PHF3: variants seen among roughly 807,000 people sequenced by gnomAD.
PHF3 encodes the protein PHD finger protein 3.
Under a neutral mutation model 178.4 loss-of-function variants are expected in PHF3, and 41 were observed. The ratio of observed to expected loss-of-function variants is 0.23; its 90% CI spans 0.18 to 0.30. The LOEUF (loss-of-function observed/expected upper bound fraction) is 0.30. Ranked by LOEUF, PHF3 falls within the 10% of genes least tolerant of loss-of-function variation. The probability of loss-of-function intolerance (pLI) is 1.00; values close to 1 mark genes in which losing one functional copy is unlikely to be tolerated. For missense variants in PHF3, 2,346 were observed against 2,398.1 expected, an observed-to-expected ratio of 0.98 and a Z score of 0.45; for synonymous variants, 842 against 800.5, an observed-to-expected ratio of 1.05 and a Z score of -0.88.
In PHF3 at chr6:63,685,551, C is replaced by T. The variant is rs1451656577; in HGVS notation, c.1829C>T (p.Pro610Leu). Residue 610 changes from proline (P) to leucine (L), a missense_variant, in exon 4 of 16, where the codon CCT becomes CTT. By Grantham distance (98) the Pro-to-Leu change is moderately conservative (BLOSUM62 -3). This residue lies in a region of PHF3 where 843 missense variants were observed against 795.2 expected (regional missense o/e 1.06). Coordinates refer to ENST00000262043, the MANE Select transcript of PHF3 (RefSeq NM_001370348.2). ...SHAHPGCLKE[P>L]HHPAQTGHVS... ...GCTCATCCTGGTTGCTTGAAAGAAC[C>T]TCATCATCCTGCACAAACTGGACAT... 2 of 1,614,070 alleles carry T rather than the reference C, an allele frequency of 1.2e-6. No individual in the cohort carries two copies. Among genetic ancestry groups the T allele is most frequent in the East Asian group, 2.2e-5 (1 of 44,876 alleles).
At chr6:63,645,645 C>A (rs575981962) in intron 1 of PHF3, among the ~76,000 whole-genome samples, 1 of 152,082 alleles carries the variant, frequency 6.6e-6, no homozygotes, top group Admixed American at 6.5e-5. Flanking sequence ...GACTTTCCAC[C>A]CCCTAAAATA....
chr6:63,685,497 T>C lies in PHF3; in HGVS notation c.1775T>C (p.Leu592Ser). The C allele has an allele frequency of 6.2e-7, 1 of 1,614,128 alleles. No homozygotes were observed. Among genetic ancestry groups the C allele is most frequent in the Non-Finnish European group, 8.5e-7 (1 of 1,180,026 alleles). The change falls in exon 4 of 16, where the codon TTA (leucine) becomes TCA (serine). Residue 592 changes from leucine (L) to serine (S), a missense_variant. Leu to Ser is a moderately radical substitution (Grantham distance 145). Transcript: ENST00000262043. ...DQTLVQIFKPLTHSLSDKSHA... is the reference protein window; with the variant it reads ...DQTLVQIFKPSTHSLSDKSHA... Reference sequence around the variant, plus strand: ...ACTTTAGTACAAATTTTCAAGCCCTTAACTCATTCTTTGAGTGATAAGTCA... The same window carrying C: ...ACTTTAGTACAAATTTTCAAGCCCTCAACTCATTCTTTGAGTGATAAGTCA...
rs559540000 is a variant in PHF3, at chr6:63,705,973, T to G, written c.3368-56T>G. 2.9e-6 allele frequency: 4 copies of G among 1,358,292 alleles called. No individual in the cohort carries two copies. In the African/African-American group the frequency reaches 4.4e-5, roughly 15 times the overall value. The allele number at this position is 1,358,292 out of a possible 1,614,324, so 84.1% of individuals were successfully genotyped here. A position where few individuals can be genotyped will look rare whatever the true frequency, so the allele number is the denominator to read the frequency against. On this transcript the variant is annotated intron_variant, in intron 11 of 15. Transcript: ENST00000262043. ...ATAACTTTAGAAAGTGAAAATGGGT[T>G]AAGTTATAAAAGTTGTAGTTAACAG... is the stretch of plus-strand genomic sequence containing the variant.
intron 3 of PHF3, among the ~76,000 whole-genome samples, chr6:63,682,212 G>T (rs1445396073): frequency 6.6e-6 from 1 of 152,018 alleles, no homozygotes; most frequent in African/African-American, 2.4e-5. Flanking sequence ...GGGGAAAGAG[G>T]GATCTAGAAA....
At chr6:63,640,339 T>G (rs963649540) in intron 1 of PHF3, among the ~76,000 whole-genome samples, 5 of 152,208 alleles carry the variant, frequency 3.3e-5, no homozygotes, top group Non-Finnish European at 7.3e-5. Flanking sequence ...AGAACTGACC[T>G]TAGTGTAATG....
chr6:63,680,199 G>C, intron 3 of PHF3, 38 bp downstream of exon 3: 1 of 1,514,496 alleles, frequency 6.6e-7, no homozygotes, highest in Non-Finnish European at 8.9e-7. Context: ...AAAATTAGAG[G>C]TATAGGGACA....
intron 2 of PHF3, among the ~76,000 whole-genome samples, chr6:63,662,673 T>A (rs911183779): frequency 2.0e-5 from 3 of 152,196 alleles, no homozygotes; most frequent in Admixed American, 6.5e-5. Context: ...TTTCCCTAAT[T>A]TTGGTCTTTG....
At chr6:63,641,225 A>C (rs1354823006) in intron 1 of PHF3, among the ~76,000 whole-genome samples, 1 of 152,164 alleles carries the variant, frequency 6.6e-6, no homozygotes, top group African/African-American at 2.4e-5. Flanking sequence ...CTTTGTCTGG[A>C]TTGCTCTTTG....
rs762527603 is a variant in PHF3 at position 63,712,570 on chromosome 6, C to T, written c.4982C>T (p.Pro1661Leu). The T allele has an allele frequency of 1.3e-5, 21 of 1,613,720 alleles. No individual in the cohort carries two copies. Among genetic ancestry groups the T allele is most frequent in the Non-Finnish European group, 1.7e-5 (20 of 1,179,910 alleles). ...AGGCAAGCAGCAGGACGAAGTCAGC[C>T]TGTAACTACTTCAGAAAGCAAAGAT... is the stretch of plus-strand genomic sequence containing the variant. ...DPRQAAGRSQ[P>L]VTTSESKDGD... Residue 1661 changes from proline (P) to leucine (L), a missense_variant, in exon 16 of 16, where the codon CCT becomes CTT. By Grantham distance (98) the Pro-to-Leu change is moderately conservative. Around this residue, in one of 8 missense-constraint regions of PHF3, gnomAD observed 839 missense variants for 806.9 expected, o/e 1.04. Transcript: ENST00000262043.
intron 8 of PHF3, among the ~76,000 whole-genome samples, chr6:63,699,824 T>A (rs1228095488): frequency 1.3e-5 from 2 of 152,196 alleles, no homozygotes; most frequent in Non-Finnish European, 2.9e-5. Flanking sequence ...CTCCTGACCT[T>A]GTGATCCTCC....
Position 63,721,457 on chromosome 6 carries a change from T to C in PHF3, c.*7749T>C. Reference sequence around the variant, plus strand: ...CTTTTGCTCCAAATTCAGTTAATTGTAATTCTTGATTATTTATGATAACTT... The same window carrying C: ...CTTTTGCTCCAAATTCAGTTAATTGCAATTCTTGATTATTTATGATAACTT... On this transcript the variant is annotated 3_prime_UTR_variant, in exon 16 of 16. Transcript: ENST00000262043. The C allele has an allele frequency of 6.4e-7, 1 of 1,551,658 alleles. No individual in the cohort carries two copies. The highest frequency in any genetic ancestry group is 8.7e-7 in the Non-Finnish European group (1 of 1,146,906).
chr6:63,670,124 T>C (rs917123698), intron 2 of PHF3, among the ~76,000 whole-genome samples: 1 of 152,180 alleles, frequency 6.6e-6, no homozygotes, highest in African/African-American at 2.4e-5. Context: ...TCTTTTTGAG[T>C]GAGCAGCTTT....
In PHF3 at chr6:63,665,482, TTTTG is replaced by T. The variant is rs1285848339; in HGVS notation, c.245-14514_245-14511del. ...ATTACTGTTTCGCTTTGTGGTTTTT[TTTTG>T]TTTTTTTTTTTTTTTTTTGAGACAG... On this transcript the variant is annotated intron_variant, in intron 2 of 15. Coordinates refer to ENST00000262043, the MANE Select transcript of PHF3 (RefSeq NM_001370348.2). Among the ~76,000 whole-genome samples, 282 of 133,092 alleles carry T rather than the reference TTTTG, an allele frequency of 2.1e-3. 1 individual carries two copies. Among genetic ancestry groups the T allele is most frequent in the African/African-American group, 8.5e-3 (268 of 31,704 alleles). 87.3% of individuals were successfully genotyped at this position (133,092 alleles called of 152,430 possible). A position where few individuals can be genotyped will look rare whatever the true frequency, so the allele number is the denominator to read the frequency against.
chr6:63,721,194 C>T lies in PHF3; in HGVS notation c.*7486C>T, dbSNP rs748753540. On this transcript the variant is annotated 3_prime_UTR_variant, in exon 16 of 16. Transcript: ENST00000262043. ...AAATGAAGTTTTGTTTTCACAATACCTTCCCACCCAACCCAAAGTACACAG... is the reference window on the plus strand; with the variant it reads ...AAATGAAGTTTTGTTTTCACAATACTTTCCCACCCAACCCAAAGTACACAG... The T allele has an allele frequency of 6.4e-7, 1 of 1,551,520 alleles. No individual in the cohort carries two copies. The highest frequency in any genetic ancestry group is 1.2e-5 in the South Asian group (1 of 84,048).
At position 63,720,243 on chromosome 6, in the gene PHF3, A is replaced by C. The variant is rs1768320263; in HGVS notation, c.*6535A>C. On this transcript the variant is annotated 3_prime_UTR_variant, in exon 16 of 16. Coordinates refer to ENST00000262043, the MANE Select transcript of PHF3 (RefSeq NM_001370348.2). ...CCCAACTGAATTTTAAACATTTTAAAGTTCAGCTTACACATTGATTTTTAA... is the reference window on the plus strand; with the variant it reads ...CCCAACTGAATTTTAAACATTTTAACGTTCAGCTTACACATTGATTTTTAA... The C allele has an allele frequency of 1.3e-5, 4 of 307,308 alleles. No individual in the cohort carries two copies. The Admixed American group carries it at 2.0e-4, about 15-fold the overall frequency. 19.0% of individuals were successfully genotyped at this position (307,308 alleles called of 1,614,324 possible).
chr6:63,647,575 ACTT>A (rs1764844130), intron 2 of PHF3, among the ~76,000 whole-genome samples: 1 of 152,162 alleles, frequency 6.6e-6, no homozygotes, highest in Non-Finnish European at 1.5e-5. Context: ...AAAAGTGACT[ACTT>A]GAAAATTCAA....
In PHF3 at chr6:63,718,047, A is replaced by C. The variant is rs543346784; in HGVS notation, c.*4339A>C. ...TCAACACCATTATCACCAGGATAGC[A>C]AAAATAGGAAGCGGGAATAGTGTTG... On this transcript the variant is annotated 3_prime_UTR_variant, in exon 16 of 16. Transcript: ENST00000262043. Among the ~76,000 whole-genome samples the C allele has an allele frequency of 2.0e-5, 3 of 152,156 alleles. No individual in the cohort carries two copies. The highest frequency in any genetic ancestry group is 2.1e-4 in the South Asian group (1 of 4,826).
At chr6:63,671,928 G>A (rs943687911) in intron 2 of PHF3, among the ~76,000 whole-genome samples, 3 of 151,930 alleles carry the variant, frequency 2.0e-5, no homozygotes, top group Non-Finnish European at 4.4e-5. Context: ...TGTATTTTTA[G>A]TAGAGATGGG....
At chr6:63,709,289 G>A (rs1279731453) in intron 14 of PHF3, 49 bp downstream of exon 14, 5 of 1,226,632 alleles carry the variant, frequency 4.1e-6, no homozygotes, top group Non-Finnish European at 6.0e-6. Context: ...TGTTTAGAAA[G>A]TAAACAGTTT....
Sources: allele counts gnomAD v4.1 joint callset (sites outside exome capture counted in the v4.1 genomes callset), GRCh38; gene constraint gnomAD v4.1.1; regional missense constraint gnomAD v4.1.1; transcripts MANE v1.5; gene names NCBI Gene and HGNC (gene_info 2026-07-23, HGNC 2026-07-21).